Variants in MYSM1 observed in about 807,000 individuals in gnomAD.
MYSM1 encodes the protein deubiquitinase MYSM1.
A neutral mutation model predicts 116.0 loss-of-function variants in MYSM1; 51 were observed. The observed-to-expected ratio is 0.44, with a 90% CI of 0.35 to 0.56. The LOEUF (loss-of-function observed/expected upper bound fraction) is 0.56, where lower values mean the gene tolerates loss of function less well. Among genes scored for constraint, MYSM1 ranks in the 20% least tolerant of loss-of-function variants. The pLI is 0.00. For missense variants in MYSM1, 900 were observed against 974.9 expected (o/e 0.92, Z 1.02); for synonymous variants, 313 against 315.2 (o/e 0.99, Z 0.07).
At chr1:58,697,207 C>CT (rs941207517) in intron 1 of MYSM1, among the ~76,000 whole-genome samples, 34 of 151,836 alleles carry the variant, frequency 2.2e-4, no homozygotes, top group African/African-American at 7.7e-4. Flanking sequence ...CTTTGGGTGA[C>CT]TGGGTGTGTG....
At chr1:58,693,394 T>C (rs1644929127) in intron 2 of MYSM1, among the ~76,000 whole-genome samples, 1 of 152,206 alleles carries the variant, frequency 6.6e-6, no homozygotes, top group Non-Finnish European at 1.5e-5. Context: ...CTCTAGGCCA[T>C]AATACCCAAC....
rs1331377699 is a variant in MYSM1, at chr1:58,654,988, C to T, written c.*5009G>A. ...AAATAGTTGAAATTACATTTTATCA[C>T]AGAACATTCCAAAATTCAAACTAAT... On this transcript the variant is annotated 3_prime_UTR_variant, in exon 20 of 20. Coordinates refer to ENST00000472487, the MANE Select transcript of MYSM1 (RefSeq NM_001085487.3). The T allele has an allele frequency of 6.6e-6, 1 of 152,058 alleles. No individual in the cohort carries two copies. Among genetic ancestry groups the T allele is most frequent in the East Asian group, 1.9e-4 (1 of 5,202 alleles). 9.4% of individuals were successfully genotyped at this position (152,058 alleles called of 1,614,324 possible). A position where few individuals can be genotyped will look rare whatever the true frequency, so the allele number is the denominator to read the frequency against.
chr1:58,695,077 C>T, intron 2 of MYSM1, 52 bp downstream of exon 2: 1 of 1,066,506 alleles, frequency 9.4e-7, no homozygotes, highest in Non-Finnish European at 1.4e-6. Flanking sequence ...AAGAAGCACT[C>T]TAGGCAATAA....
chr1:58,698,380 G>A (rs1645014221), intron 1 of MYSM1, among the ~76,000 whole-genome samples: 1 of 151,436 alleles, frequency 6.6e-6, no homozygotes, highest in Non-Finnish European at 1.5e-5. Flanking sequence ...GATTACAGGC[G>A]TGAGCCACCA....
chr1:58,698,829 A>T (rs1645021323), intron 1 of MYSM1, among the ~76,000 whole-genome samples: 1 of 152,204 alleles, frequency 6.6e-6, no homozygotes. Flanking sequence ...CAATGACCAT[A>T]TGAGTTTAAT....
intron 8 of MYSM1, among the ~76,000 whole-genome samples, chr1:58,679,033 C>T (rs1644698662): frequency 6.6e-6 from 1 of 152,200 alleles, no homozygotes; most frequent in Non-Finnish European, 1.5e-5. Flanking sequence ...ATTCGGGAGG[C>T]ATTCAGTAAT....
In MYSM1 at chr1:58,659,952, T is replaced by C. The variant is rs367958889; in HGVS notation, c.*45A>G. ...CACTTCAAGTTTATAACTTTGAAAG[T>C]AAGATCTACTGTGTCAAGATTAAAA... On this transcript the variant is annotated 3_prime_UTR_variant, in exon 20 of 20. Coordinates refer to ENST00000472487, the MANE Select transcript of MYSM1 (RefSeq NM_001085487.3). The C allele has an allele frequency of 8.2e-7, 1 of 1,223,962 alleles. No individual in the cohort carries two copies. The highest frequency in any genetic ancestry group is 1.1e-6 in the Non-Finnish European group (1 of 918,022). The allele number at this position is 1,223,962 out of a possible 1,614,324, so 75.8% of individuals were successfully genotyped here.
chr1:58,691,496 CA>C (rs1383609546), intron 3 of MYSM1, among the ~76,000 whole-genome samples: 1 of 152,164 alleles, frequency 6.6e-6, no homozygotes, highest in African/African-American at 2.4e-5. Flanking sequence ...CAGTGGCCAC[CA>C]ACCACATGTG....
chr1:58,680,023 T>A (rs1165360371), intron 8 of MYSM1, among the ~76,000 whole-genome samples: 1 of 105,388 alleles, frequency 9.5e-6, no homozygotes. Flanking sequence ...TGAGACTCTG[T>A]CTCAAAAAAA....
intron 3 of MYSM1, among the ~76,000 whole-genome samples, chr1:58,692,114 TAG>T (rs1358765704): frequency 1.3e-5 from 2 of 152,088 alleles, no homozygotes; most frequent in Non-Finnish European, 2.9e-5. Context: ...TGGGGAGAAT[TAG>T]AGAATAAGAA....
chr1:58,676,400 A>G (rs1157549142), intron 9 of MYSM1, among the ~76,000 whole-genome samples: 1 of 136,278 alleles, frequency 7.3e-6, no homozygotes, highest in Admixed American at 7.4e-5. Context: ...TGGGCAACAG[A>G]GCGAGAAAAA....
chr1:58,680,522 A>G (rs1644722968), intron 8 of MYSM1, among the ~76,000 whole-genome samples: 1 of 152,346 alleles, frequency 6.6e-6, no homozygotes, highest in East Asian at 1.9e-4. Context: ...CATCTGTAAG[A>G]TAACTCAAGA....
At chr1:58,694,405 G>A (rs1300969684) in intron 2 of MYSM1, among the ~76,000 whole-genome samples, 4 of 151,900 alleles carry the variant, frequency 2.6e-5, no homozygotes, top group East Asian at 3.9e-4. Context: ...GGCGGATCAC[G>A]AGGTCAAGAG....
intron 1 of MYSM1, among the ~76,000 whole-genome samples, chr1:58,698,102 A>ATATATATATATATATATATTTTTTTTTT: frequency 3.9e-4 from 3 of 7,766 alleles, no homozygotes; most frequent in South Asian, 0.01. Flanking sequence ...ATATATATAT[A>ATATATATATATATATATATTTTTTTTTT]TTTTTTTTTT....
At chr1:58,685,840 C>T (rs913950293) in intron 6 of MYSM1, among the ~76,000 whole-genome samples, 2 of 152,172 alleles carry the variant, frequency 1.3e-5, no homozygotes, top group Admixed American at 6.5e-5. Flanking sequence ...TCTAACTACC[C>T]GTTTCATTAC....
At chr1:58,688,703 A>G in intron 6 of MYSM1, among the ~76,000 whole-genome samples, 1 of 152,276 alleles carries the variant, frequency 6.6e-6, no homozygotes. Context: ...TTCAAAAAAA[A>G]AAAGAGATTA....
intron 1 of MYSM1, among the ~76,000 whole-genome samples, chr1:58,698,814 A>G (rs989440621): frequency 6.6e-6 from 1 of 152,220 alleles, no homozygotes; most frequent in Non-Finnish European, 1.5e-5. Context: ...CAAAGCTTTG[A>G]GGGACAATGA....
intron 17 of MYSM1, among the ~76,000 whole-genome samples, chr1:58,665,143 C>T (rs1569707107): frequency 6.6e-6 from 1 of 152,048 alleles, no homozygotes; most frequent in East Asian, 1.9e-4. Flanking sequence ...ATTTGCATGC[C>T]ATCACAGAGA....
At chr1:58,687,196 T>C (rs569194399) in intron 6 of MYSM1, among the ~76,000 whole-genome samples, 2 of 152,294 alleles carry the variant, frequency 1.3e-5, no homozygotes, top group Admixed American at 1.3e-4. Context: ...ATGCTTGTTG[T>C]GTAGGAAAAC....
Sources: allele counts gnomAD v4.1 joint callset (sites outside exome capture counted in the v4.1 genomes callset), GRCh38; gene constraint gnomAD v4.1.1; transcripts MANE v1.5; gene names NCBI Gene and HGNC (gene_info 2026-07-23, HGNC 2026-07-21).